PTPRD: variants seen among roughly 807,000 people sequenced by gnomAD.
PTPRD encodes receptor-type tyrosine-protein phosphatase delta.
PTPRD carries 34 observed loss-of-function variants against 214.5 expected under a neutral mutation model. The observed-to-expected ratio is 0.16, with a 90% CI of 0.12 to 0.21. The LOEUF is 0.21. PTPRD is among the 10% of genes least tolerant of loss of function. PTPRD has a pLI of 1.00. For missense variants in PTPRD, 2,545 were observed against 2,398.7 expected, an observed-to-expected ratio of 1.06 and a Z score of -1.27; for synonymous variants, 1,128 against 845.7, an observed-to-expected ratio of 1.33 and a Z score of -5.79.
chr9:8,600,642 T>G (rs566567876), intron 14 of PTPRD, among the ~76,000 whole-genome samples: 1 of 151,768 alleles, frequency 6.6e-6, no homozygotes, highest in East Asian at 2.0e-4. Flanking sequence ...CCCTGATATT[T>G]CTAGACACAT....
intron 8 of PTPRD, among the ~76,000 whole-genome samples, chr9:9,427,782 T>C (rs755565875): frequency 6.6e-6 from 1 of 152,136 alleles, no homozygotes; most frequent in Non-Finnish European, 1.5e-5. Flanking sequence ...AAAGGAATTT[T>C]CAACCCAGAA....
intron 8 of PTPRD, among the ~76,000 whole-genome samples, chr9:9,407,676 G>C (rs775645693): frequency 5.3e-5 from 8 of 151,736 alleles, no homozygotes; most frequent in Non-Finnish European, 1.2e-4. Flanking sequence ...ACGCTGCTAA[G>C]ACTCAGTTTC....
intron 14 of PTPRD, among the ~76,000 whole-genome samples, chr9:8,600,832 A>T (rs1260104994): frequency 2.6e-5 from 4 of 151,960 alleles, no homozygotes; most frequent in Admixed American, 6.6e-5. Flanking sequence ...CCATCATATT[A>T]CCAACTGTGG....
chr9:9,739,957 A>G (rs1323168784), intron 6 of PTPRD, among the ~76,000 whole-genome samples: 1 of 152,150 alleles, frequency 6.6e-6, no homozygotes, highest in African/African-American at 2.4e-5. Context: ...ATAAATATCT[A>G]TGTTTTAAAT....
chr9:9,989,588 C>A (rs1482107257), intron 4 of PTPRD, among the ~76,000 whole-genome samples: 2 of 152,120 alleles, frequency 1.3e-5, no homozygotes, highest in African/African-American at 4.8e-5. Flanking sequence ...TCACTAAAAT[C>A]TTCCATATTC....
intron 8 of PTPRD, among the ~76,000 whole-genome samples, chr9:9,512,333 G>C (rs549994527): frequency 1.4e-4 from 21 of 151,736 alleles, no homozygotes; most frequent in Non-Finnish European, 2.7e-4. Context: ...ATGAGTAAGG[G>C]GGTAAAAGGT....
intron 17 of PTPRD, 69 bp downstream of exon 17, chr9:8,526,558 G>C (rs2074216970): frequency 2.2e-6 from 3 of 1,372,656 alleles, no homozygotes; most frequent in Admixed American, 4.7e-5. Context: ...ACAGGACAAA[G>C]ATGAGAGGGA....
At chr9:10,217,621 T>C (rs1284285764) in intron 3 of PTPRD, among the ~76,000 whole-genome samples, 1 of 151,972 alleles carries the variant, frequency 6.6e-6, no homozygotes, top group Non-Finnish European at 1.5e-5. Flanking sequence ...ATGCCTTCTC[T>C]GTCCAAGAGG....
intron 9 of PTPRD, among the ~76,000 whole-genome samples, chr9:9,280,866 G>A (rs900444855): frequency 2.0e-5 from 3 of 151,136 alleles, no homozygotes; most frequent in African/African-American, 7.3e-5. Context: ...ATCCGACTTC[G>A]AGACTTCCTA....
intron 7 of PTPRD, among the ~76,000 whole-genome samples, chr9:9,643,138 C>G (rs2096023468): frequency 2.0e-5 from 3 of 152,180 alleles, no homozygotes. Context: ...AATTTAACTA[C>G]TTCCTCAGGG....
chr9:9,614,854 G>T (rs1485887786), intron 7 of PTPRD, among the ~76,000 whole-genome samples: 2 of 152,120 alleles, frequency 1.3e-5, no homozygotes, highest in Non-Finnish European at 2.9e-5. Context: ...CATTCGTTAG[G>T]CATATCTGCT....
chr9:8,776,818 TATAA>T (rs1425595647), intron 11 of PTPRD, among the ~76,000 whole-genome samples: 1 of 147,464 alleles, frequency 6.8e-6, no homozygotes, highest in Non-Finnish European at 1.5e-5. Flanking sequence ...ATGTATAATA[TATAA>T]ATATATAACA....
intron 2 of PTPRD, among the ~76,000 whole-genome samples, chr9:10,506,851 C>T (rs150181307): frequency 6.6e-5 from 10 of 152,150 alleles, no homozygotes; most frequent in African/African-American, 2.4e-4. Flanking sequence ...TAAAATTAGA[C>T]ATTTTTGGGA....
intron 11 of PTPRD, among the ~76,000 whole-genome samples, chr9:8,937,429 A>G (rs2099005092): frequency 1.3e-5 from 2 of 152,200 alleles, no homozygotes; most frequent in Admixed American, 1.3e-4. Context: ...TATAATCTGC[A>G]TTCATAAGTG....
At position 8,497,258 on chromosome 9, in the gene PTPRD, T is replaced by C. The variant is rs1020013576; in HGVS notation, c.2333A>G (p.Asp778Gly). The C allele has an allele frequency of 1.9e-6, 3 of 1,594,370 alleles. No individual in the cohort carries two copies. The highest frequency in any genetic ancestry group is 1.4e-5 in the African/African-American group (1 of 73,720). ...VMLADAQWEF[D>G]DTTEHDMIIS... ...ATTACTCACATGTTCAGTAGTATCATCAAATTCCCACTGATTGAGAATAAG... is the reference window on the plus strand; with the variant it reads ...ATTACTCACATGTTCAGTAGTATCACCAAATTCCCACTGATTGAGAATAAG... Residue 778 changes from aspartate (D) to glycine (G), a missense_variant, in exon 26 of 46, where the codon GAT becomes GGT. Coordinates refer to ENST00000381196, the MANE Select transcript of PTPRD (RefSeq NM_002839.4).
intron 3 of PTPRD, among the ~76,000 whole-genome samples, chr9:10,165,563 T>A (rs148826796): frequency 6.9e-4 from 105 of 151,866 alleles, no homozygotes; most frequent in African/African-American, 2.5e-3. Context: ...TAGTAAAATG[T>A]TTTGTTTAGT....
intron 9 of PTPRD, among the ~76,000 whole-genome samples, chr9:9,326,324 T>C (rs2136254522): frequency 6.6e-6 from 1 of 152,264 alleles, no homozygotes; most frequent in Admixed American, 6.5e-5. Context: ...ATTCTGAAAT[T>C]ACCTATGGAT....
chr9:8,534,713 A>C (rs918945368), intron 14 of PTPRD, among the ~76,000 whole-genome samples: 1 of 151,756 alleles, frequency 6.6e-6, no homozygotes, highest in Non-Finnish European at 1.5e-5. Context: ...CGTGTCAGAG[A>C]ATCAGTAGTG....
intron 9 of PTPRD, among the ~76,000 whole-genome samples, chr9:9,303,901 A>G (rs776909391): frequency 1.3e-5 from 2 of 152,120 alleles, no homozygotes; most frequent in Non-Finnish European, 2.9e-5. Flanking sequence ...GTAATGATTT[A>G]ATTTCCCTTT....
Sources: gnomAD v4.1 joint callset for allele counts (sites outside exome capture counted in the v4.1 genomes callset) on GRCh38, gnomAD v4.1.1 for gene constraint, MANE v1.5 for transcripts, NCBI Gene and HGNC (gene_info 2026-07-23, HGNC 2026-07-21) for gene names.